Variants in PRELID3B observed in about 807,000 individuals in gnomAD.
PRELID3B encodes PRELI domain containing protein 3B.
Under a neutral mutation model 24.0 loss-of-function variants are expected in PRELID3B, and 15 were observed. The observed-to-expected ratio is 0.63, with a 90% CI of 0.42 to 0.96. The LOEUF is 0.96. PRELID3B is among the 40% of genes least tolerant of loss of function. PRELID3B has a pLI of 0.00. For missense variants in PRELID3B, 189 were observed against 236.0 expected (o/e 0.80, Z 1.30); for synonymous variants, 62 against 76.0 (o/e 0.82, Z 0.96).
At chr20:59,042,426 C>T (rs960476938) in intron 1 of PRELID3B, among the ~76,000 whole-genome samples, 46 of 152,190 alleles carry the variant, frequency 3.0e-4, no homozygotes, top group Non-Finnish European at 5.4e-4. Flanking sequence ...CCCGAGGCTA[C>T]CTCATGGTGG....
intron 5 of PRELID3B, among the ~76,000 whole-genome samples, chr20:59,035,781 C>G (rs2092067559): frequency 6.6e-6 from 1 of 152,302 alleles, no homozygotes; most frequent in South Asian, 2.1e-4. Flanking sequence ...GGGGCAGGGA[C>G]CACATTTGTT....
rs2092089919 is a variant in PRELID3B at position 59,038,545 on chromosome 20, C to G, written c.122G>C (p.Arg41Thr). 1.2e-6 allele frequency: 2 copies of G among 1,613,566 alleles called. No homozygotes were observed. The highest frequency in any genetic ancestry group is 1.7e-6 in the Non-Finnish European group (2 of 1,179,838). Residue 41 changes from arginine to threonine, a missense_variant, in exon 2 of 6, where the codon AGA becomes ACA. By Grantham distance (71) the Arg-to-Thr change is moderately conservative. Transcript: ENST00000355937. ...CAACTTTCCAGAGGGATCTATATGT[C>G]TGTCCAACACATCAACTCCAACCAC... is the stretch of plus-strand genomic sequence containing the variant. ...PSVVGVDVLD[R>T]HIDPSGKLHS...
In PRELID3B at chr20:59,036,773, G is replaced by T. The variant is rs760894977; in HGVS notation, c.292-13C>A. On this transcript the variant is annotated splice_polypyrimidine_tract_variant and intron_variant, in intron 3 of 5. Transcript: ENST00000355937. ...TTGTAAATGAAATCTACAGAATGAA[G>T]AAAAAAAAAAAAGATCAAATCATTT... is the stretch of plus-strand genomic sequence containing the variant. The T allele has an allele frequency of 9.0e-7, 1 of 1,109,586 alleles. No homozygotes were observed. The highest frequency in any genetic ancestry group is 1.2e-6 in the Non-Finnish European group (1 of 820,092). The allele number at this position is 1,109,586 out of a possible 1,614,324, so 68.7% of individuals were successfully genotyped here.
chr20:59,037,076 G>A, intron 3 of PRELID3B, 115 bp downstream of exon 3: 1 of 781,810 alleles, frequency 1.3e-6, no homozygotes, highest in Non-Finnish European at 2.1e-6. Context: ...CAGCACATAA[G>A]CAGGGATTCT....
In PRELID3B at chr20:59,042,706, C is replaced by T. The variant is rs1454146219; in HGVS notation, c.25G>A (p.Val9Ile). Residue 9 changes from valine (V) to isoleucine (I), a missense_variant, in exon 1 of 6, where the codon GTC becomes ATC. Val to Ile is a conservative substitution (Grantham distance 29). Transcript: ENST00000355937. ...CCCGCGCCCCAAACTTACTCAAAGA[C>T]GTGCTCCGAAGTCCAGATCTTCATG... MKIWTSEH[V>I]FDHPWETVTT... 14 of 1,599,030 alleles carry T rather than the reference C, an allele frequency of 8.8e-6. No homozygotes were observed. Among genetic ancestry groups the T allele is most frequent in the South Asian group, 1.1e-5 (1 of 88,072 alleles).
rs1179090603 is a variant in PRELID3B, at chr20:59,034,649, C to G, written c.*358G>C. 4 of 173,538 alleles carry G rather than the reference C, an allele frequency of 2.3e-5. No homozygotes were observed. The highest frequency in any genetic ancestry group is 7.1e-5 in the African/African-American group (3 of 42,232). The allele number at this position is 173,538 out of a possible 1,614,324, so 10.7% of individuals were successfully genotyped here. A position where few individuals can be genotyped will look rare whatever the true frequency, so the allele number is the denominator to read the frequency against. ...GGCGTCTATAGGAGGTGGCTCTGCT[C>G]TGTTCTGGGGTTGGTCCAAAGTCAG... On this transcript the variant is annotated 3_prime_UTR_variant, in exon 6 of 6. Coordinates refer to ENST00000355937, the MANE Select transcript of PRELID3B (RefSeq NM_016045.3).
In PRELID3B at chr20:59,036,776, A is replaced by G. The variant is rs200116534; in HGVS notation, c.292-16T>C. The G allele has an allele frequency of 1.1e-3, 1,665 of 1,481,314 alleles. 2 individuals carry two copies. Among genetic ancestry groups the G allele is most frequent in the Middle Eastern group, 2.7e-3 (13 of 4,768 alleles). The allele number at this position is 1,481,314 out of a possible 1,614,324, so 91.8% of individuals were successfully genotyped here. On this transcript the variant is annotated splice_polypyrimidine_tract_variant and intron_variant, in intron 3 of 5. Transcript: ENST00000355937. Reference sequence around the variant, plus strand: ...TAAATGAAATCTACAGAATGAAGAAAAAAAAAAAAGATCAAATCATTTTGG... The same window carrying G: ...TAAATGAAATCTACAGAATGAAGAAGAAAAAAAAAGATCAAATCATTTTGG...
chr20:59,034,980 C>T lies in PRELID3B; in HGVS notation c.*27G>A, dbSNP rs778161400. On this transcript the variant is annotated 3_prime_UTR_variant, in exon 6 of 6. Coordinates refer to ENST00000355937, the MANE Select transcript of PRELID3B (RefSeq NM_016045.3). ...AGTCAGTTTGGAGAGACCTGGAGTA[C>T]CCGATGTTGTCTACCAACTGTCACG... 1.3e-6 allele frequency: 2 copies of T among 1,598,588 alleles called. No homozygotes were observed. Among genetic ancestry groups the T allele is most frequent in the Non-Finnish European group, 1.7e-6 (2 of 1,172,264 alleles).
chr20:59,038,576 G>A lies in PRELID3B; in HGVS notation c.91C>T (p.Pro31Ser). ...AMQKYPNPMN[P>S]SVVGVDVLDR... ...AACACATCAACTCCAACCACACTTG[G>A]GTTCATAGGGTTTGGGTATTTCTGC... Residue 31 changes from proline to serine, a missense_variant, in exon 2 of 6, where the codon CCA (proline) becomes TCA (serine). Coordinates refer to ENST00000355937, the MANE Select transcript of PRELID3B (RefSeq NM_016045.3). The A allele has an allele frequency of 1.9e-6, 3 of 1,613,472 alleles. No individual in the cohort carries two copies. Among genetic ancestry groups the A allele is most frequent in the Non-Finnish European group, 2.5e-6 (3 of 1,179,788 alleles).
At chr20:59,039,549 G>A (rs945656298) in intron 1 of PRELID3B, among the ~76,000 whole-genome samples, 4 of 152,186 alleles carry the variant, frequency 2.6e-5, no homozygotes, top group African/African-American at 7.2e-5. Flanking sequence ...TAGTCCACCT[G>A]CAGTCTGATT....
intron 5 of PRELID3B, 57 bp from the exon 6 acceptor site, chr20:59,035,183 A>G: frequency 6.7e-7 from 1 of 1,495,638 alleles, no homozygotes; most frequent in Non-Finnish European, 9.0e-7. Flanking sequence ...GCATATATCG[A>G]ACTAATGACA....
intron 5 of PRELID3B, among the ~76,000 whole-genome samples, chr20:59,036,188 TATCTC>T (rs879251640): frequency 6.6e-6 from 1 of 152,164 alleles, no homozygotes; most frequent in Non-Finnish European, 1.5e-5. Flanking sequence ...TTCCATATGT[TATCTC>T]ATTCACTCCA....
At chr20:59,037,335 C>G (rs151359) in intron 2 of PRELID3B, 55 bp from the exon 3 acceptor site, 841,671 of 1,262,058 alleles carry the variant, frequency 0.67, 283,951 homozygotes, top group East Asian at 0.91. Flanking sequence ...CTTACCAAGT[C>G]TATCAATATT....
intron 1 of PRELID3B, among the ~76,000 whole-genome samples, 195 bp downstream of exon 1, chr20:59,042,504 C>G (rs1225443601): frequency 6.6e-6 from 1 of 152,186 alleles, no homozygotes; most frequent in Admixed American, 6.5e-5. Flanking sequence ...AGGTCGGAGC[C>G]GTCCCCTCGG....
chr20:59,037,720 G>A (rs1429036930), intron 2 of PRELID3B, among the ~76,000 whole-genome samples: 1 of 152,214 alleles, frequency 6.6e-6, no homozygotes, highest in Non-Finnish European at 1.5e-5. Context: ...GCGTTCTTAC[G>A]ATGGAGGCTC....
At position 59,040,563 on chromosome 20, in the gene PRELID3B, T is replaced by C. The variant is rs981380557; in HGVS notation, c.33-1929A>G. ...AATGACTTCACCTGGATGCCAACTATAGGCCTCAGAAGAAAAGTGTTGGAA... is the reference window on the plus strand; with the variant it reads ...AATGACTTCACCTGGATGCCAACTACAGGCCTCAGAAGAAAAGTGTTGGAA... On this transcript the variant is annotated intron_variant, in intron 1 of 5. Transcript: ENST00000355937. The surrounding 1 kb of genome is among the most constrained non-coding windows in gnomAD (Gnocchi z 4.1). 6.6e-6 allele frequency among the ~76,000 whole-genome samples: 1 copy of C among 152,200 alleles called. No homozygotes were observed. Among genetic ancestry groups the C allele is most frequent in the Non-Finnish European group, 1.5e-5 (1 of 68,022 alleles).
Position 59,037,945 on chromosome 20 carries a change from A to G in PRELID3B, c.201+521T>C, listed in dbSNP as rs534177255. On this transcript the variant is annotated intron_variant, in intron 2 of 5. Transcript: ENST00000355937. ...CTTATTATACCAGTTTTCTCGCATTATGGTAAACTGGCATTTTAGTTTCTT... is the reference window on the plus strand; with the variant it reads ...CTTATTATACCAGTTTTCTCGCATTGTGGTAAACTGGCATTTTAGTTTCTT... Among the ~76,000 whole-genome samples, 49 of 152,346 alleles carry G rather than the reference A, an allele frequency of 3.2e-4. 1 individual carries two copies. The South Asian group carries it at 0.01, about 32-fold the overall frequency.
chr20:59,037,564 G>C (rs774863831), intron 2 of PRELID3B, among the ~76,000 whole-genome samples: 2 of 152,256 alleles, frequency 1.3e-5, no homozygotes, highest in Non-Finnish European at 2.9e-5. Flanking sequence ...CGGTGCGACG[G>C]TGGAGCGCTG....
At chr20:59,039,573 C>T (rs1406289992) in intron 1 of PRELID3B, among the ~76,000 whole-genome samples, 1 of 152,236 alleles carries the variant, frequency 6.6e-6, no homozygotes, top group Non-Finnish European at 1.5e-5. Context: ...ATGCTTTCTA[C>T]ACTACTTATC....
Sources: allele counts gnomAD v4.1 joint callset (sites outside exome capture counted in the v4.1 genomes callset), GRCh38; gene constraint gnomAD v4.1.1; non-coding constraint Gnocchi (gnomAD v3.1); transcripts MANE v1.5; gene names NCBI Gene and HGNC (gene_info 2026-07-23, HGNC 2026-07-21).